Variants in GABARAPL1 observed in about 807,000 individuals in gnomAD.
GABARAPL1 encodes GABA type A receptor associated protein like 1.
A neutral mutation model predicts 14.5 loss-of-function variants in GABARAPL1; 4 were observed. That is an observed-to-expected ratio of 0.28 (90% CI 0.14 to 0.63). The LOEUF is 0.63. Among genes scored for constraint, GABARAPL1 ranks in the 30% least tolerant of loss-of-function variants. GABARAPL1 has a pLI of 0.84. For synonymous variants in GABARAPL1, 47 were observed against 50.6 expected (o/e 0.93, Z 0.30); for missense variants, 82 against 139.2 (o/e 0.59, Z 2.07).
intron 2 of GABARAPL1, 124 bp from the exon 3 acceptor site, chr12:10,220,316 A>G (rs184483785): frequency 0.011 from 14,621 of 1,379,262 alleles, 101 homozygotes; most frequent in Non-Finnish European, 0.012. Context: ...CTCAGATGGT[A>G]TATAAAGCTG....
chr12:10,220,763 T>C (rs924278299), intron 3 of GABARAPL1: 13 of 1,490,842 alleles, frequency 8.7e-6, no homozygotes, highest in Non-Finnish European at 1.2e-5. Flanking sequence ...CTAGATTTAA[T>C]CCTTCTGAAA....
Position 10,213,126 on chromosome 12 carries a change from C to T in GABARAPL1, c.-4C>T. On this transcript the variant is annotated 5_prime_UTR_variant, in exon 1 of 4. Coordinates refer to ENST00000266458, the MANE Select transcript of GABARAPL1 (RefSeq NM_031412.4). Reference sequence around the variant, plus strand: ...CGGGGATCTCGGAAGCCCTGCGGTGCATCATGAAGTTCCAGTACAAGGAGG... The same window carrying T: ...CGGGGATCTCGGAAGCCCTGCGGTGTATCATGAAGTTCCAGTACAAGGAGG... The T allele has an allele frequency of 1.3e-6, 2 of 1,570,776 alleles. No individual in the cohort carries two copies. Among genetic ancestry groups the T allele is most frequent in the Non-Finnish European group, 8.7e-7 (1 of 1,153,594 alleles).
intron 1 of GABARAPL1, among the ~76,000 whole-genome samples, chr12:10,216,223 TAGC>T (rs1949087440): frequency 6.6e-6 from 1 of 151,838 alleles, no homozygotes; most frequent in Non-Finnish European, 1.5e-5. Flanking sequence ...ATACAAAAAT[TAGC>T]CGGGCGTGGT....
chr12:10,217,000 C>T (rs778634670), intron 1 of GABARAPL1, among the ~76,000 whole-genome samples: 1 of 151,686 alleles, frequency 6.6e-6, no homozygotes, highest in African/African-American at 2.4e-5. Context: ...AAGTATATAA[C>T]GTAGACATAA....
chr12:10,218,498 G>A (rs1306821841), intron 2 of GABARAPL1, among the ~76,000 whole-genome samples: 2 of 151,834 alleles, frequency 1.3e-5, no homozygotes, highest in Non-Finnish European at 2.9e-5. Context: ...GTGTGAACCC[G>A]GGAGGCAGAG....
chr12:10,216,721 G>A (rs1448126737), intron 1 of GABARAPL1, among the ~76,000 whole-genome samples: 2 of 151,704 alleles, frequency 1.3e-5, no homozygotes, highest in Non-Finnish European at 2.9e-5. Flanking sequence ...TGTATTTTTA[G>A]TAGAGATGGG....
At chr12:10,219,771 C>T (rs143558040) in intron 2 of GABARAPL1, among the ~76,000 whole-genome samples, 67 of 151,998 alleles carry the variant, frequency 4.4e-4, no homozygotes, top group African/African-American at 1.5e-3. Flanking sequence ...ATTGCGCTTT[C>T]AGCCTGGGTG....
chr12:10,220,339 A>G (rs1660625562), intron 2 of GABARAPL1, 101 bp from the exon 3 acceptor site: 1 of 1,546,782 alleles, frequency 6.5e-7, no homozygotes, highest in Non-Finnish European at 8.8e-7. Flanking sequence ...ACTGACTCTA[A>G]GGTGAAAAAA....
In GABARAPL1 at chr12:10,216,579, G is replaced by C. The variant is rs188908050; in HGVS notation, c.91-1484G>C. ...TTTGAGACCGAGTTTTGCTCTTGTT[G>C]CCCAGGCTGGAGTGTAGTGGCACGA... is the stretch of plus-strand genomic sequence containing the variant. On this transcript the variant is annotated intron_variant, in intron 1 of 3. Transcript: ENST00000266458. Among the ~76,000 whole-genome samples, 470 of 95,042 alleles carry C rather than the reference G, an allele frequency of 4.9e-3. 4 individuals carry two copies. The highest frequency in any genetic ancestry group is 0.018 in the African/African-American group (450 of 24,520). The allele number at this position is 95,042 out of a possible 152,430, so 62.4% of individuals were successfully genotyped here. A position where few individuals can be genotyped will look rare whatever the true frequency, so the allele number is the denominator to read the frequency against.
At chr12:10,217,948 C>G (rs1161559037) in intron 1 of GABARAPL1, 115 bp from the exon 2 acceptor site, 2 of 684,946 alleles carry the variant, frequency 2.9e-6, no homozygotes, top group African/African-American at 3.6e-5. Context: ...AAACAGGTGT[C>G]CTGGGCCTAG....
At chr12:10,221,720 A>G in intron 3 of GABARAPL1, 67 bp from the exon 4 acceptor site, 1 of 1,559,178 alleles carries the variant, frequency 6.4e-7, no homozygotes, top group South Asian at 1.1e-5. Flanking sequence ...AGGTTGTGTG[A>G]GGCTCAGCAT....
intron 1 of GABARAPL1, among the ~76,000 whole-genome samples, chr12:10,216,007 G>T (rs1192815564): frequency 6.6e-6 from 1 of 151,564 alleles, no homozygotes; most frequent in Non-Finnish European, 1.5e-5. Flanking sequence ...GCATTTTCCT[G>T]TAAAATGTTA....
chr12:10,219,045 G>T (rs186884651), intron 2 of GABARAPL1, among the ~76,000 whole-genome samples: 4 of 152,062 alleles, frequency 2.6e-5, no homozygotes, highest in Non-Finnish European at 5.9e-5. Context: ...TTGGCTGGGG[G>T]TGGTGGCTCA....
chr12:10,216,349 C>A (rs112269234), intron 1 of GABARAPL1, among the ~76,000 whole-genome samples: 2 of 151,430 alleles, frequency 1.3e-5, no homozygotes, highest in South Asian at 4.2e-4. Context: ...CCAGCCCGGG[C>A]GACACATGTG....
chr12:10,220,666 T>C (rs1197708770), intron 3 of GABARAPL1, 108 bp downstream of exon 3: 1 of 1,569,176 alleles, frequency 6.4e-7, no homozygotes, highest in East Asian at 2.4e-5. Flanking sequence ...GGGCAGAAGG[T>C]GTTATTTATC....
At position 10,218,175 on chromosome 12, in the gene GABARAPL1, G is replaced by A. The variant is rs199873121; in HGVS notation, c.169+34G>A. ...CTTTGCCTTCCCTGACCCTTCCTCC[G>A]GTGAAAAAACTCTCTAGATCCTCAT... is the stretch of plus-strand genomic sequence containing the variant. On this transcript the variant is annotated intron_variant, in intron 2 of 3. Coordinates refer to ENST00000266458, the MANE Select transcript of GABARAPL1 (RefSeq NM_031412.4). 116 of 1,285,820 alleles carry A rather than the reference G, an allele frequency of 9.0e-5. 1 individual carries two copies. In the South Asian group the frequency reaches 9.8e-4, roughly 11 times the overall value. 79.7% of individuals were successfully genotyped at this position (1,285,820 alleles called of 1,614,324 possible).
intron 1 of GABARAPL1, chr12:10,214,854 T>G (rs1210692737): frequency 6.6e-6 from 1 of 152,234 alleles, no homozygotes; most frequent in African/African-American, 2.4e-5. Flanking sequence ...TGACGTGCTG[T>G]GGACTTTACA....
At chr12:10,213,823 C>T (rs1042816169) in intron 1 of GABARAPL1, 4 of 455,958 alleles carry the variant, frequency 8.8e-6, no homozygotes, top group Middle Eastern at 3.3e-4. Flanking sequence ...GCCCTCTTGC[C>T]TCATCGTTCT....
chr12:10,217,460 G>A (rs977672357), intron 1 of GABARAPL1, among the ~76,000 whole-genome samples: 18 of 152,148 alleles, frequency 1.2e-4, no homozygotes, highest in Admixed American at 7.9e-4. Flanking sequence ...GGCCAGGCAC[G>A]GTAGCTCACA....
Sources: gnomAD v4.1 joint callset for allele counts (sites outside exome capture counted in the v4.1 genomes callset) on GRCh38, gnomAD v4.1.1 for gene constraint, MANE v1.5 for transcripts, NCBI Gene and HGNC (gene_info 2026-07-23, HGNC 2026-07-21) for gene names.